The following CCDC7 variants were observed in gnomAD, a reference collection of about 807,000 sequenced individuals.
CCDC7 encodes coiled-coil domain containing 7, also known as coiled-coil domain-containing protein 7.
A neutral mutation model predicts 196.9 loss-of-function variants in CCDC7; 183 were observed. That is an observed-to-expected ratio of 0.93 (90% CI 0.82 to 1.05). CCDC7 has a LOEUF of 1.05. CCDC7 is among the 50% of genes least tolerant of loss of function. The pLI is 0.00. For synonymous variants in CCDC7, 525 were observed against 484.6 expected (o/e 1.08, Z -1.10); for missense variants, 1,540 against 1,482.2 (o/e 1.04, Z -0.64).
chr10:32,851,643 A>G (rs1386533893), intron 39 of CCDC7, among the ~76,000 whole-genome samples, 164 bp from the exon 41 acceptor site: 1 of 151,882 alleles, frequency 6.6e-6, no homozygotes, highest in Non-Finnish European at 1.5e-5. Context: ...ATAATAGGGG[A>G]TATTGAAATT....
At chr10:32,538,194 G>T (rs2050829220) in intron 11 of CCDC7, among the ~76,000 whole-genome samples, 1 of 151,538 alleles carries the variant, frequency 6.6e-6, no homozygotes, top group African/African-American at 2.4e-5. Flanking sequence ...TCTCATTGTG[G>T]AGATCTTTCA....
chr10:32,502,600 C>T (rs2044248686), intron 9 of CCDC7, among the ~76,000 whole-genome samples: 1 of 152,154 alleles, frequency 6.6e-6, no homozygotes. Flanking sequence ...GTGATGCCTC[C>T]ACCTTTGTTC....
intron 13 of CCDC7, among the ~76,000 whole-genome samples, chr10:32,553,103 CTTT>C (rs34656193): frequency 8.1e-6 from 1 of 123,622 alleles, no homozygotes; most frequent in Non-Finnish European, 1.7e-5. Context: ...TTCTTGGAGT[CTTT>C]TTTTTTTTTT....
chr10:32,501,388 G>A (rs577890317), intron 9 of CCDC7, among the ~76,000 whole-genome samples: 3 of 152,084 alleles, frequency 2.0e-5, no homozygotes, highest in East Asian at 1.9e-4. Context: ...CTGTCAATTC[G>A]TCAAACTCAT....
At chr10:32,845,193 T>G in intron 33 of CCDC7, 50 bp from the exon 35 acceptor site, 1 of 1,130,968 alleles carries the variant, frequency 8.8e-7, no homozygotes, top group Non-Finnish European at 1.3e-6. Context: ...TACTCAGATT[T>G]GGTAATGTTT....
At chr10:32,473,128 T>C (rs549977053) in intron 7 of CCDC7, among the ~76,000 whole-genome samples, 2 of 152,322 alleles carry the variant, frequency 1.3e-5, no homozygotes, top group African/African-American at 4.8e-5. Flanking sequence ...ATTTACAGCT[T>C]AGTAAGGATA....
chr10:32,690,259 A>C (rs1248930613), intron 23 of CCDC7, among the ~76,000 whole-genome samples: 1 of 152,232 alleles, frequency 6.6e-6, no homozygotes, highest in Non-Finnish European at 1.5e-5. Flanking sequence ...GATATAATCA[A>C]TATAATGAAA....
intron 13 of CCDC7, among the ~76,000 whole-genome samples, chr10:32,546,523 T>G (rs73253427): frequency 0.046 from 6,941 of 152,202 alleles, 537 homozygotes; most frequent in African/African-American, 0.16. Flanking sequence ...ATGGCTCGAG[T>G]TAAGTGTACA....
intron 5 of CCDC7, among the ~76,000 whole-genome samples, chr10:32,466,247 T>C (rs1238730651): frequency 2.7e-5 from 2 of 73,512 alleles, no homozygotes; most frequent in East Asian, 6.4e-4. Context: ...TCAAGGAGTG[T>C]TTCTCTCTCT....
intron 16 of CCDC7, chr10:32,574,360 TAAA>T: frequency 2.4e-6 from 3 of 1,239,496 alleles, no homozygotes; most frequent in South Asian, 2.4e-5. Flanking sequence ...CTAAATATAA[TAAA>T]AATTCAAACT....
intron 5 of CCDC7, among the ~76,000 whole-genome samples, chr10:32,465,763 C>T (rs1394288022): frequency 1.3e-5 from 2 of 152,132 alleles, no homozygotes; most frequent in East Asian, 3.8e-4. Flanking sequence ...GAACTCCAGG[C>T]TTTGTATATA....
At chr10:32,559,411 G>T (rs2054991775) in intron 13 of CCDC7, among the ~76,000 whole-genome samples, 1 of 152,234 alleles carries the variant, frequency 6.6e-6, no homozygotes, top group African/African-American at 2.4e-5. Flanking sequence ...CAGCCTAACT[G>T]GGAGGCACCC....
At chr10:32,845,313 A>G (rs753548792) in exon 34 of CCDC7, 5 of 1,567,864 alleles carry the variant, frequency 3.2e-6, no homozygotes, top group Admixed American at 1.9e-5. Flanking sequence ...ATGCACAACT[A>G]AAGGGTCACC....
intron 28 of CCDC7, among the ~76,000 whole-genome samples, chr10:32,767,673 C>T (rs1049681529): frequency 2.0e-5 from 3 of 152,004 alleles, no homozygotes; most frequent in African/African-American, 4.8e-5. Flanking sequence ...ACTGCAAAGA[C>T]GCATAAAGAC....
At chr10:32,732,885 C>A (rs1451991508) in intron 28 of CCDC7, among the ~76,000 whole-genome samples, 1 of 152,072 alleles carries the variant, frequency 6.6e-6, no homozygotes, top group African/African-American at 2.4e-5. Context: ...ATTGTACTTT[C>A]AACCTTTTTG....
chr10:32,659,227 G>C (rs1373486858), intron 20 of CCDC7, among the ~76,000 whole-genome samples: 1 of 152,008 alleles, frequency 6.6e-6, no homozygotes, highest in Non-Finnish European at 1.5e-5. Flanking sequence ...TTGTTATGTT[G>C]TGTTTCCATT....
At chr10:32,655,877 G>A (rs940391936) in intron 20 of CCDC7, among the ~76,000 whole-genome samples, 19 of 152,018 alleles carry the variant, frequency 1.2e-4, no homozygotes, top group African/African-American at 4.4e-4. Context: ...ATATGTATTA[G>A]GCTTTTTGTA....
intron 32 of CCDC7, among the ~76,000 whole-genome samples, chr10:32,827,712 G>T (rs758051184): frequency 7.2e-5 from 11 of 152,136 alleles, no homozygotes; most frequent in Admixed American, 5.2e-4. Context: ...GTTAATGGGT[G>T]CAGCAAACCA....
At chr10:32,799,311 A>G (rs541912372) in intron 29 of CCDC7, among the ~76,000 whole-genome samples, 10 of 152,280 alleles carry the variant, frequency 6.6e-5, no homozygotes, top group African/African-American at 1.9e-4. Context: ...GGGCCTGCCA[A>G]TGTCTCCAAA....
Sources: gnomAD v4.1 joint callset for allele counts (sites outside exome capture counted in the v4.1 genomes callset) on GRCh38, gnomAD v4.1.1 for gene constraint, MANE v1.5 for transcripts, NCBI Gene and HGNC (gene_info 2026-07-23, HGNC 2026-07-21) for gene names.